Variants in CNBP observed in about 807,000 individuals in gnomAD.
CNBP encodes the protein cellular nucleic acid-binding protein.
A neutral mutation model predicts 21.2 loss-of-function variants in CNBP; 6 were observed. That is an observed-to-expected ratio of 0.28 (90% CI 0.16 to 0.56). The LOEUF (loss-of-function observed/expected upper bound fraction) is 0.56. Ranked by LOEUF, CNBP falls within the 20% of genes least tolerant of loss-of-function variation. The probability of loss-of-function intolerance (pLI) is 0.93; values close to 1 mark genes in which losing one functional copy is unlikely to be tolerated. For synonymous variants in CNBP, 61 were observed against 74.9 expected, an observed-to-expected ratio of 0.81 and a Z score of 0.96; for missense variants, 112 against 233.1, an observed-to-expected ratio of 0.48 and a Z score of 3.38.
chr3:129,175,652 T>A (rs1291106160), intron 1 of CNBP, among the ~76,000 whole-genome samples: 1 of 152,050 alleles, frequency 6.6e-6, no homozygotes, highest in African/African-American at 2.4e-5. Context: ...ATGGTCTCGA[T>A]CTCCTGACCT....
chr3:129,178,446 AAATACATTTAAAAT>A (rs1230694235), intron 1 of CNBP, among the ~76,000 whole-genome samples: 2 of 152,228 alleles, frequency 1.3e-5, no homozygotes, highest in African/African-American at 4.8e-5. Context: ...CTGTCCTAGA[AAATACATTTAAAAT>A]AAAGTAGCAA....
intron 1 of CNBP, among the ~76,000 whole-genome samples, chr3:129,182,046 A>G (rs1056532869): frequency 7.2e-5 from 11 of 152,140 alleles, no homozygotes; most frequent in East Asian, 3.9e-4. Flanking sequence ...GGGAGGGGGA[A>G]GCCCAGGAGA....
At chr3:129,172,640 G>GCAGA (rs1937615953) in intron 1 of CNBP, among the ~76,000 whole-genome samples, 6 of 34,304 alleles carry the variant, frequency 1.7e-4, no homozygotes, top group African/African-American at 3.9e-4. Context: ...AGGCAGGCAG[G>GCAGA]CAGGCAGGCA....
chr3:129,174,349 T>TAAAAA lies in CNBP; in HGVS notation c.-14-2583_-14-2579dup, dbSNP rs56752888. 3.7e-3 allele frequency among the ~76,000 whole-genome samples: 234 copies of TAAAAA among 63,148 alleles called. 15 individuals carry two copies. The highest frequency in any genetic ancestry group is 0.012 in the African/African-American group (165 of 14,016). 41.4% of individuals were successfully genotyped at this position (63,148 alleles called of 152,430 possible). On this transcript the variant is annotated intron_variant, in intron 1 of 4. Coordinates refer to ENST00000422453, the MANE Select transcript of CNBP (RefSeq NM_003418.5). ...GTTTCCACCACAGAAGAGTCAGAAT[T>TAAAAA]AAAAAAAAAAAAAAAAAAAAAAAAA...
intron 1 of CNBP, among the ~76,000 whole-genome samples, chr3:129,172,677 CAGACAGACAGACAG>C (rs1448765042): frequency 2.6e-4 from 31 of 117,186 alleles, no homozygotes; most frequent in African/African-American, 5.1e-4. Flanking sequence ...GACAGACAGA[CAGACAGACAGACAG>C]ACAGACACAC....
chr3:129,175,351 A>G (rs1395552629), intron 1 of CNBP, among the ~76,000 whole-genome samples: 18 of 151,958 alleles, frequency 1.2e-4, no homozygotes, highest in Admixed American at 1.2e-3. Context: ...AAAAAAAACT[A>G]TTCTGTAAAA....
intron 1 of CNBP, among the ~76,000 whole-genome samples, chr3:129,177,151 ACT>A (rs751301842): frequency 6.6e-5 from 10 of 152,136 alleles, no homozygotes; most frequent in Non-Finnish European, 1.5e-4. Context: ...AAACCAAAAT[ACT>A]GTTTTTCACT....
intron 1 of CNBP, among the ~76,000 whole-genome samples, chr3:129,174,449 T>C: frequency 6.8e-6 from 1 of 147,902 alleles, no homozygotes; most frequent in East Asian, 2.0e-4. Context: ...ATGGTTCACC[T>C]GAGGTTGGGA....
intron 4 of CNBP, 22 bp downstream of exon 4, chr3:129,171,057 T>C: frequency 6.2e-7 from 1 of 1,600,774 alleles, no homozygotes; most frequent in Non-Finnish European, 8.5e-7. Flanking sequence ...AGTTTTCTTC[T>C]AACAACATTC....
intron 1 of CNBP, among the ~76,000 whole-genome samples, chr3:129,177,768 C>T (rs1938013056): frequency 6.6e-6 from 1 of 152,180 alleles, no homozygotes. Flanking sequence ...TCCTAAGTTT[C>T]CATTTTTGTG....
At position 129,170,280 on chromosome 3, in the gene CNBP, T is replaced by C. The variant is rs1397349715; in HGVS notation, c.*173A>G. On this transcript the variant is annotated 3_prime_UTR_variant, in exon 5 of 5. Coordinates refer to ENST00000422453, the MANE Select transcript of CNBP (RefSeq NM_003418.5). Reference sequence around the variant, plus strand: ...CCAAACTAAACATAAACTTTTTTTGTAGTTAAATGCAGAAAGTCGGTTTTT... The same window carrying C: ...CCAAACTAAACATAAACTTTTTTTGCAGTTAAATGCAGAAAGTCGGTTTTT... 2 of 613,408 alleles carry C rather than the reference T, an allele frequency of 3.3e-6. No homozygotes were observed. The highest frequency in any genetic ancestry group is 5.8e-5 in the Admixed American group (2 of 34,354). 38.0% of individuals were successfully genotyped at this position (613,408 alleles called of 1,614,324 possible).
chr3:129,181,938 TAAA>T (rs533178437), intron 1 of CNBP, among the ~76,000 whole-genome samples: 67 of 152,110 alleles, frequency 4.4e-4, no homozygotes, highest in African/African-American at 1.6e-3. Context: ...CTCAACAAAC[TAAA>T]AACAGCATGT....
At chr3:129,172,743 TACTC>T (rs768646275) in intron 1 of CNBP, among the ~76,000 whole-genome samples, 6 of 143,672 alleles carry the variant, frequency 4.2e-5, no homozygotes, top group South Asian at 2.3e-4. Flanking sequence ...CTGGCAGTAA[TACTC>T]ATTCACTCAT....
At chr3:129,171,880 T>C in intron 1 of CNBP, 109 bp from the exon 2 acceptor site, 1 of 1,215,156 alleles carries the variant, frequency 8.2e-7, no homozygotes. Flanking sequence ...AGCTAGCTAA[T>C]ATATTGGTTA....
rs1167943945 is a variant in CNBP at position 129,170,037 on chromosome 3, G to A, written c.*416C>T. On this transcript the variant is annotated 3_prime_UTR_variant, in exon 5 of 5. Coordinates refer to ENST00000422453, the MANE Select transcript of CNBP (RefSeq NM_003418.5). ...CTTGATGTTATTTAATAGCTACTGA[G>A]GTCAGACAATCCAAGACCATCATTA... The A allele has an allele frequency of 4.0e-6, 1 of 247,848 alleles. No individual in the cohort carries two copies. Among genetic ancestry groups the A allele is most frequent in the African/African-American group, 2.2e-5 (1 of 45,656 alleles). The allele number at this position is 247,848 out of a possible 1,614,324, so 15.4% of individuals were successfully genotyped here.
intron 1 of CNBP, among the ~76,000 whole-genome samples, chr3:129,181,660 A>AAAAAAAAAAAAAAAAAAAAAAAAAAAC: frequency 6.7e-6 from 1 of 149,486 alleles, no homozygotes. Context: ...AGAAAAAAAA[A>AAAAAAAAAAAAAAAAAAAAAAAAAAAC]AAGAAAAACC....
rs892541653 is a variant in CNBP, at chr3:129,168,752, G to A, written c.*1701C>T. Among the ~76,000 whole-genome samples the A allele has an allele frequency of 6.6e-6, 1 of 151,082 alleles. No individual in the cohort carries two copies. The highest frequency in any genetic ancestry group is 6.6e-5 in the Admixed American group (1 of 15,154). ...GGGGCAGGTGGATCACCTGAGGTCA[G>A]GAGTTGGAGACCAGCCCGACCAACA... is the stretch of plus-strand genomic sequence containing the variant. On this transcript the variant is annotated 3_prime_UTR_variant, in exon 5 of 5. Coordinates refer to ENST00000422453, the MANE Select transcript of CNBP (RefSeq NM_003418.5).
At chr3:129,176,675 C>G (rs1937927063) in intron 1 of CNBP, among the ~76,000 whole-genome samples, 1 of 152,176 alleles carries the variant, frequency 6.6e-6, no homozygotes, top group African/African-American at 2.4e-5. Flanking sequence ...TTTGTACTCA[C>G]TAAGGACTGA....
Position 129,172,685 on chromosome 3 carries a change from CAGACAGACAG to C in CNBP, c.-14-924_-14-915del, listed in dbSNP as rs1446048011. On this transcript the variant is annotated intron_variant, in intron 1 of 4. Transcript: ENST00000422453. ...ACAGACAGACAGACAGACAGACAGACAGACAGACAGACACACACACACACACACACACACA... is the reference window on the plus strand; with the variant it reads ...ACAGACAGACAGACAGACAGACAGACACACACACACACACACACACACACA... 2.4e-3 allele frequency among the ~76,000 whole-genome samples: 271 copies of C among 114,176 alleles called. 1 individual carries two copies. The highest frequency in any genetic ancestry group is 3.5e-3 in the African/African-American group (101 of 29,132). 74.9% of individuals were successfully genotyped at this position (114,176 alleles called of 152,430 possible). A position where few individuals can be genotyped will look rare whatever the true frequency, so the allele number is the denominator to read the frequency against.
Sources: gnomAD v4.1 joint callset for allele counts (sites outside exome capture counted in the v4.1 genomes callset) on GRCh38, gnomAD v4.1.1 for gene constraint, MANE v1.5 for transcripts, NCBI Gene and HGNC (gene_info 2026-07-23, HGNC 2026-07-21) for gene names.